The following SMAD3 variants were observed in gnomAD, a reference collection of about 807,000 sequenced individuals.
The protein encoded by SMAD3 is SMAD family member 3, also known as MAD homolog 3.
SMAD3 carries 12 observed loss-of-function variants against 51.8 expected under a neutral mutation model. The ratio of observed to expected loss-of-function variants is 0.23; its 90% CI spans 0.15 to 0.38. The LOEUF is 0.38. Among genes scored for constraint, SMAD3 ranks in the 10% least tolerant of loss-of-function variants. The pLI is 1.00. For synonymous variants in SMAD3, 238 were observed against 227.7 expected (o/e 1.05, Z -0.41); for missense variants, 294 against 565.6 (o/e 0.52, Z 4.87).
At chr15:67,174,238 C>T (rs369254245) in intron 5 of SMAD3, 2 of 152,434 alleles carry the variant, frequency 1.3e-5, no homozygotes, top group South Asian at 4.1e-4. Flanking sequence ...ATCACTGTTC[C>T]TGTACTTCTG....
At chr15:67,152,055 T>C (rs8026358) in intron 1 of SMAD3, among the ~76,000 whole-genome samples, 149,110 of 152,244 alleles carry the variant, frequency 0.98, 73,052 homozygotes, top group Admixed American at 0.99. Context: ...TATAATCATC[T>C]TACAGTGGTT....
chr15:67,131,171 T>C (rs1173443202), intron 1 of SMAD3, among the ~76,000 whole-genome samples: 1 of 152,242 alleles, frequency 6.6e-6, no homozygotes, highest in East Asian at 1.9e-4. Context: ...GCTATTGCCA[T>C]GTTCTCTGAG....
intron 1 of SMAD3, among the ~76,000 whole-genome samples, chr15:67,109,502 C>T (rs569435401): frequency 6.6e-6 from 1 of 152,222 alleles, no homozygotes; most frequent in South Asian, 2.1e-4. Context: ...CCCAGGGGTT[C>T]CTGCACAGAG....
At chr15:67,172,813 A>G (rs1317594098) in intron 5 of SMAD3, among the ~76,000 whole-genome samples, 1 of 151,954 alleles carries the variant, frequency 6.6e-6, no homozygotes, top group Non-Finnish European at 1.5e-5. Flanking sequence ...CGTTTAGACC[A>G]CCTGTCCCCA....
Position 67,183,031 on chromosome 15 carries a change from ATTTT to A in SMAD3, c.871+1595_871+1598del, listed in dbSNP as rs57749736. Among the ~76,000 whole-genome samples, 162 of 29,630 alleles carry A rather than the reference ATTTT, an allele frequency of 5.5e-3. 2 individuals are homozygous for A. Among genetic ancestry groups the A allele is most frequent in the African/African-American group, 0.018 (105 of 5,966 alleles). The allele number at this position is 29,630 out of a possible 152,430, so 19.4% of individuals were successfully genotyped here. A position where few individuals can be genotyped will look rare whatever the true frequency, so the allele number is the denominator to read the frequency against. ...TATATATATATATATATATATATAT[ATTTT>A]TTTTTTTTTTTTTTTTGGAGCGGGG... On this transcript the variant is annotated intron_variant, in intron 6 of 8. Transcript: ENST00000327367.
intron 3 of SMAD3, chr15:67,166,103 A>G: frequency 1.1e-6 from 1 of 906,348 alleles, no homozygotes; most frequent in Non-Finnish European, 1.3e-6. Flanking sequence ...GAGATTGGCT[A>G]CAGGCCTGTG....
chr15:67,167,884 G>A (rs892859744), intron 4 of SMAD3, among the ~76,000 whole-genome samples: 4 of 152,144 alleles, frequency 2.6e-5, no homozygotes, highest in Non-Finnish European at 2.9e-5. Context: ...GGCATGCCTC[G>A]TACACACAGA....
At chr15:67,182,997 AAAAATATATATATATATAT>A (rs1370056289) in intron 6 of SMAD3, among the ~76,000 whole-genome samples, 1 of 57,202 alleles carries the variant, frequency 1.7e-5, no homozygotes, top group African/African-American at 8.0e-5. Flanking sequence ...AAAAAAAAAA[AAAAATATATATATATATAT>A]ATATATATAT....
chr15:67,125,020 C>T (rs186228422), intron 1 of SMAD3, among the ~76,000 whole-genome samples: 1 of 152,348 alleles, frequency 6.6e-6, no homozygotes, highest in East Asian at 1.9e-4. Flanking sequence ...GCTCTGTCTG[C>T]TTATGGGCAC....
intron 5 of SMAD3, among the ~76,000 whole-genome samples, chr15:67,175,747 A>G (rs1217863849): frequency 6.6e-6 from 1 of 152,160 alleles, no homozygotes; most frequent in Non-Finnish European, 1.5e-5. Flanking sequence ...CCCATGTGTG[A>G]GCACAGGTGT....
At chr15:67,115,442 A>G (rs1280718588) in intron 1 of SMAD3, among the ~76,000 whole-genome samples, 2 of 152,196 alleles carry the variant, frequency 1.3e-5, no homozygotes, top group Non-Finnish European at 2.9e-5. Flanking sequence ...TTTTGGCTCC[A>G]TCTCTGAGGT....
chr15:67,104,158 C>T (rs1960825129), intron 1 of SMAD3, among the ~76,000 whole-genome samples: 1 of 152,132 alleles, frequency 6.6e-6, no homozygotes, highest in Non-Finnish European at 1.5e-5. Flanking sequence ...CCGCCCCCAA[C>T]TTTTGACAAC....
intron 1 of SMAD3, among the ~76,000 whole-genome samples, chr15:67,098,376 A>C (rs62006014): frequency 0.091 from 13,718 of 149,956 alleles, 833 homozygotes; most frequent in Middle Eastern, 0.14. Context: ...GCAAGCAAGC[A>C]AGCCAGCAGG....
intron 1 of SMAD3, among the ~76,000 whole-genome samples, chr15:67,087,470 T>A (rs1960418126): frequency 6.6e-6 from 1 of 152,144 alleles, no homozygotes; most frequent in Non-Finnish European, 1.5e-5. Flanking sequence ...TTGTTCTTGG[T>A]TTCAGTAGGC....
rs564556206 is a variant in SMAD3, at chr15:67,191,145, A to G, written c.*609A>G. On this transcript the variant is annotated 3_prime_UTR_variant, in exon 9 of 9. Coordinates refer to ENST00000327367, the MANE Select transcript of SMAD3 (RefSeq NM_005902.4). ...GTCTGTCTCCCTCCCCTCTCAGAAC[A>G]TACTGATTGGGAGGTGCGTGTTCAG... 1.1e-3 allele frequency: 265 copies of G among 233,414 alleles called. No homozygotes were observed. The highest frequency in any genetic ancestry group is 2.0e-3 in the Non-Finnish European group (236 of 118,316). The allele number at this position is 233,414 out of a possible 1,614,324, so 14.5% of individuals were successfully genotyped here.
chr15:67,164,852 A>G (rs374707650), intron 1 of SMAD3, 43 bp from the exon 2 acceptor site: 3 of 1,603,150 alleles, frequency 1.9e-6, no homozygotes, highest in South Asian at 1.1e-5. Flanking sequence ...AAGCAAGCAC[A>G]ATCCACATTT....
intron 5 of SMAD3, among the ~76,000 whole-genome samples, chr15:67,172,452 TC>T (rs1356807346): frequency 6.6e-6 from 1 of 152,170 alleles, no homozygotes; most frequent in African/African-American, 2.4e-5. Context: ...GCCCCTGTGC[TC>T]CCCTTCACCC....
chr15:67,118,917 C>T (rs1388126758), intron 1 of SMAD3, among the ~76,000 whole-genome samples: 1 of 152,238 alleles, frequency 6.6e-6, no homozygotes, highest in Admixed American at 6.5e-5. Context: ...CATGCACAAG[C>T]AGGTGCTTGT....
chr15:67,167,420 G>C (rs1047967844), intron 4 of SMAD3, among the ~76,000 whole-genome samples: 1 of 152,186 alleles, frequency 6.6e-6, no homozygotes, highest in African/African-American at 2.4e-5. Context: ...CAGTGTGGTG[G>C]ACCTTCAAGC....
Sources: gnomAD v4.1 joint callset for allele counts (sites outside exome capture counted in the v4.1 genomes callset) on GRCh38, gnomAD v4.1.1 for gene constraint, MANE v1.5 for transcripts, NCBI Gene and HGNC (gene_info 2026-07-23, HGNC 2026-07-21) for gene names.